The following FAT3 variants were observed in gnomAD, a reference collection of about 807,000 sequenced individuals.
The protein encoded by FAT3 is protocadherin Fat 3.
In FAT3, 95 loss-of-function variants were observed where a neutral mutation model predicts 310.2. That is an observed-to-expected ratio of 0.31 (90% CI 0.26 to 0.36). The LOEUF (loss-of-function observed/expected upper bound fraction) is 0.36. Ranked by LOEUF, FAT3 falls within the 10% of genes least tolerant of loss-of-function variation. The probability of loss-of-function intolerance (pLI) is 1.00; values close to 1 mark genes in which losing one functional copy is unlikely to be tolerated. For missense variants in FAT3, 5,408 were observed against 5,715.6 expected (o/e 0.95, Z 1.74); for synonymous variants, 2,314 against 2,192.9 (o/e 1.06, Z -1.54).
At chr11:92,413,869 C>A (rs772341945) in intron 2 of FAT3, among the ~76,000 whole-genome samples, 89 of 152,118 alleles carry the variant, frequency 5.9e-4, no homozygotes, top group South Asian at 1.2e-3. Context: ...CTCAGTGAGT[C>A]CTCTCACGAA....
chr11:92,449,033 A>C (rs1296543147), intron 2 of FAT3, among the ~76,000 whole-genome samples: 6 of 152,108 alleles, frequency 3.9e-5, no homozygotes, highest in Non-Finnish European at 5.9e-5. Flanking sequence ...GCCAACATTT[A>C]GTGAAATCTC....
chr11:92,476,876 A>T (rs1284145830), intron 2 of FAT3, among the ~76,000 whole-genome samples: 3 of 152,186 alleles, frequency 2.0e-5, no homozygotes, highest in Non-Finnish European at 4.4e-5. Flanking sequence ...TATCAGGTAT[A>T]TTTCCTGTGA....
chr11:92,865,916 C>T (rs1384920952), intron 21 of FAT3, among the ~76,000 whole-genome samples: 1 of 152,188 alleles, frequency 6.6e-6, no homozygotes, highest in Non-Finnish European at 1.5e-5. Context: ...AGGCTGGTCT[C>T]TGTTGTCGCA....
chr11:92,296,954 T>G (rs778036760), intron 1 of FAT3, among the ~76,000 whole-genome samples: 11 of 152,158 alleles, frequency 7.2e-5, no homozygotes, highest in Non-Finnish European at 1.6e-4. Flanking sequence ...GATTTCATTT[T>G]ATTAATTAAA....
At chr11:92,742,309 A>G (rs1945530240) in intron 4 of FAT3, among the ~76,000 whole-genome samples, 1 of 152,226 alleles carries the variant, frequency 6.6e-6, no homozygotes, top group Non-Finnish European at 1.5e-5. Context: ...AGAGGATTTT[A>G]TAAGAACTAC....
intron 1 of FAT3, among the ~76,000 whole-genome samples, chr11:92,231,312 A>G (rs1010139207): frequency 6.6e-6 from 1 of 152,136 alleles, no homozygotes; most frequent in African/African-American, 2.4e-5. Context: ...TTGGTTTTTT[A>G]CCTTAAAAAA....
chr11:92,545,560 T>G (rs576073640), intron 3 of FAT3, among the ~76,000 whole-genome samples: 1 of 152,066 alleles, frequency 6.6e-6, no homozygotes, highest in South Asian at 2.1e-4. Context: ...GTAATGTGGT[T>G]CAAATGTATA....
chr11:92,543,292 T>C lies in FAT3; in HGVS notation c.3607+18344T>C, dbSNP rs1270877076. On this transcript the variant is annotated intron_variant, in intron 3 of 27. Transcript: ENST00000525166. ...ATTGGGGTGACTTTGGTTGCCAGTA[T>C]TGCATTATATATTTCAAAATAGCTA... Among the ~76,000 whole-genome samples the C allele has an allele frequency of 3.3e-5, 5 of 152,276 alleles. No individual in the cohort carries two copies. In the East Asian group the frequency reaches 9.6e-4, roughly 29 times the overall value.
rs551322875 is a variant in FAT3, at chr11:92,856,124, G to GCATGAAC, written c.11366-1087_11366-1081dup. Among the ~76,000 whole-genome samples the GCATGAAC allele has an allele frequency of 1.1e-4, 16 of 152,036 alleles. No homozygotes were observed. The South Asian group carries it at 2.9e-3, about 28-fold the overall frequency. Reference sequence around the variant, plus strand: ...GCCTCCTGAAGTGCTGGGATTACAGGCATGAACCACTGCACTTGGCTGGGA... The same window carrying GCATGAAC: ...GCCTCCTGAAGTGCTGGGATTACAGGCATGAACCATGAACCACTGCACTTGGCTGGGA... On this transcript the variant is annotated intron_variant, in intron 19 of 27. Coordinates refer to ENST00000525166, the MANE Select transcript of FAT3 (RefSeq NM_001367949.2).
chr11:92,879,146 A>G (rs1429482682), intron 22 of FAT3, among the ~76,000 whole-genome samples: 3 of 152,230 alleles, frequency 2.0e-5, no homozygotes, highest in East Asian at 1.9e-4. Context: ...ATAATTTTTT[A>G]CACAACCTGT....
chr11:92,514,831 G>A (rs745597889), intron 2 of FAT3, among the ~76,000 whole-genome samples: 2 of 152,156 alleles, frequency 1.3e-5, no homozygotes, highest in Non-Finnish European at 2.9e-5. Context: ...GTTTTATTCT[G>A]AAATGTGAAT....
chr11:92,352,503 G>T lies in FAT3; in HGVS notation c.391G>T (p.Gly131Cys). The T allele has an allele frequency of 6.2e-7, 1 of 1,613,076 alleles. No individual in the cohort carries two copies. Among genetic ancestry groups the T allele is most frequent in the Non-Finnish European group, 8.5e-7 (1 of 1,179,734 alleles). Residue 131 changes from glycine to cysteine, a missense_variant, in exon 2 of 28, where the codon GGT (glycine) becomes TGT (cysteine). By Grantham distance (159) the Gly-to-Cys change is radical. This residue lies in a region of FAT3 where 152 missense variants were observed against 188.3 expected (regional missense o/e 0.81). Transcript: ENST00000525166. ...GGATAATTATTTATTGATAGTAAAAGGTTCTGTCAGAGGAGAGGATTTGGA... is the reference window on the plus strand; with the variant it reads ...GGATAATTATTTATTGATAGTAAAATGTTCTGTCAGAGGAGAGGATTTGGA... ...IQDNYLLIVK[G>C]SVRGEDLEAW... is the part of the protein sequence containing the mutation.
At chr11:92,425,303 G>A (rs1421989170) in intron 2 of FAT3, among the ~76,000 whole-genome samples, 1 of 151,878 alleles carries the variant, frequency 6.6e-6, no homozygotes, top group African/African-American at 2.4e-5. Context: ...GGTCAGAGAG[G>A]GCCCAAAGAT....
intron 1 of FAT3, among the ~76,000 whole-genome samples, chr11:92,350,730 T>C (rs1242977830): frequency 6.6e-6 from 1 of 150,500 alleles, no homozygotes; most frequent in Non-Finnish European, 1.5e-5. Context: ...AAATAGTACC[T>C]ATTACTTAGG....
chr11:92,720,727 T>C (rs1430104299), intron 4 of FAT3, among the ~76,000 whole-genome samples: 1 of 152,234 alleles, frequency 6.6e-6, no homozygotes, highest in Non-Finnish European at 1.5e-5. Flanking sequence ...CTCTTCTTCA[T>C]CTTTTCTAAT....
chr11:92,833,478 G>T (rs1948319348), intron 14 of FAT3, among the ~76,000 whole-genome samples: 1 of 152,152 alleles, frequency 6.6e-6, no homozygotes, highest in Non-Finnish European at 1.5e-5. Context: ...GAATTTCAGA[G>T]AAGTTAAATA....
At chr11:92,550,398 G>C (rs763050313) in intron 3 of FAT3, among the ~76,000 whole-genome samples, 11 of 152,198 alleles carry the variant, frequency 7.2e-5, no homozygotes, top group Non-Finnish European at 1.5e-4. Flanking sequence ...TTATTTTGCA[G>C]AGGATATATC....
rs142460570 is a variant in FAT3, at chr11:92,820,319, A to T, written c.9481+10243A>T. On this transcript the variant is annotated intron_variant, in intron 13 of 27. Coordinates refer to ENST00000525166, the MANE Select transcript of FAT3 (RefSeq NM_001367949.2). ...GCCTTTCCTAGGTGCACCTGGATGT[A>T]GAGAGATCTGTCTTTCTTCTCTTCT... Among the ~76,000 whole-genome samples the T allele has an allele frequency of 2.6e-3, 399 of 152,188 alleles. 2 individuals carry two copies. Among genetic ancestry groups the T allele is most frequent in the African/African-American group, 9.2e-3 (382 of 41,510 alleles).
chr11:92,880,713 G>C lies in FAT3; in HGVS notation c.12128-18G>C, dbSNP rs1949654338. On this transcript the variant is annotated intron_variant, in intron 22 of 27. Transcript: ENST00000525166. The stretch of plus-strand genomic sequence containing the variant: ...TAGCAGTGGCATCCATGGCTCATGA[G>C]GTCCTCTGTTTCCCCAGGCTATCAG... 6.2e-7 allele frequency: 1 copy of C among 1,608,866 alleles called. No homozygotes were observed. Among genetic ancestry groups the C allele is most frequent in the Non-Finnish European group, 8.5e-7 (1 of 1,177,688 alleles).
Sources: gnomAD v4.1 joint callset for allele counts (sites outside exome capture counted in the v4.1 genomes callset) on GRCh38, gnomAD v4.1.1 for gene constraint, gnomAD v4.1.1 regional missense constraint, MANE v1.5 for transcripts, NCBI Gene and HGNC (gene_info 2026-07-23, HGNC 2026-07-21) for gene names.